Variants in TTC7B observed in about 807,000 individuals in gnomAD.
TTC7B encodes the protein tetratricopeptide repeat domain 7B.
Under a neutral mutation model 106.8 loss-of-function variants are expected in TTC7B, and 28 were observed. The ratio of observed to expected loss-of-function variants is 0.26; its 90% CI spans 0.19 to 0.36. The LOEUF is 0.36. Ranked by LOEUF, TTC7B falls within the 10% of genes least tolerant of loss-of-function variation. The probability of loss-of-function intolerance (pLI) is 1.00; values close to 1 mark genes in which losing one functional copy is unlikely to be tolerated. For missense variants in TTC7B, 862 were observed against 1,076.4 expected (o/e 0.80, Z 2.79); for synonymous variants, 405 against 430.6 (o/e 0.94, Z 0.74).
At position 90,634,035 on chromosome 14, in the gene TTC7B, C is replaced by T. The variant is rs149778141; in HGVS notation, c.1751+10013G>A. Among the ~76,000 whole-genome samples the T allele has an allele frequency of 7.9e-3, 1,202 of 152,014 alleles. 9 individuals are homozygous for T. The highest frequency in any genetic ancestry group is 0.027 in the African/African-American group (1,110 of 41,432). Reference sequence around the variant, plus strand: ...GGGATTACAGGCATGCACCAACATGCCTGGATAATTTTTGTATTTTTAGCA... The same window carrying T: ...GGGATTACAGGCATGCACCAACATGTCTGGATAATTTTTGTATTTTTAGCA... On this transcript the variant is annotated intron_variant, in intron 15 of 19. Transcript: ENST00000328459.
intron 3 of TTC7B, among the ~76,000 whole-genome samples, chr14:90,766,152 A>C: frequency 7.7e-6 from 1 of 129,482 alleles, no homozygotes; most frequent in Non-Finnish European, 1.6e-5. Context: ...TTTTTTTTTA[A>C]TAAACAAAAA....
chr14:90,744,964 T>C (rs1200036438), intron 3 of TTC7B, 42 bp from the exon 4 acceptor site: 2 of 1,603,436 alleles, frequency 1.2e-6, no homozygotes, highest in East Asian at 2.2e-5. Flanking sequence ...GAATTTTTTT[T>C]CATAAGGCTT....
chr14:90,801,828 A>AGG lies in TTC7B; in HGVS notation c.121+14346_121+14347insCC, dbSNP rs112475232. The stretch of plus-strand genomic sequence containing the variant: ...CCCAGCACTTTGGGAGGCCAAGGGG[A>AGG]AGGGGGTGGATCACCTGAGGTCAGG... On this transcript the variant is annotated intron_variant, in intron 1 of 19. Coordinates refer to ENST00000328459, the MANE Select transcript of TTC7B (RefSeq NM_001010854.2). 1.3e-3 allele frequency among the ~76,000 whole-genome samples: 195 copies of AGG among 152,018 alleles called. 1 individual carries two copies. The highest frequency in any genetic ancestry group is 4.4e-3 in the African/African-American group (181 of 41,478).
chr14:90,800,220 G>A (rs2030172176), intron 1 of TTC7B, among the ~76,000 whole-genome samples: 1 of 152,166 alleles, frequency 6.6e-6, no homozygotes, highest in Admixed American at 6.6e-5. Context: ...ATGGTTAGGA[G>A]GTAGTAGTAG....
intron 16 of TTC7B, 30 bp from the exon 17 acceptor site, chr14:90,610,869 C>G: frequency 6.5e-7 from 1 of 1,531,984 alleles, no homozygotes; most frequent in Non-Finnish European, 9.0e-7. Flanking sequence ...ATGTCAGTCA[C>G]CTGCAAGGTG....
At chr14:90,629,252 C>CT (rs869180642) in intron 15 of TTC7B, among the ~76,000 whole-genome samples, 15 of 124,616 alleles carry the variant, frequency 1.2e-4, no homozygotes, top group African/African-American at 3.0e-4. Context: ...CTTTTTTTTT[C>CT]TTTTTTTTTA....
chr14:90,761,630 G>A (rs1890505752), intron 3 of TTC7B, among the ~76,000 whole-genome samples: 1 of 152,258 alleles, frequency 6.6e-6, no homozygotes, highest in Admixed American at 6.5e-5. Context: ...GTCTCAGTGA[G>A]TTGGTTTTGT....
chr14:90,644,128 G>C lies in TTC7B; in HGVS notation c.1671C>G (p.Leu557=). 6.2e-7 allele frequency: 1 copy of C among 1,614,118 alleles called. No individual in the cohort carries two copies. The highest frequency in any genetic ancestry group is 8.5e-7 in the Non-Finnish European group (1 of 1,180,028). Residue 557 remains leucine (L), a synonymous_variant, in exon 15 of 20, where the codon CTC becomes CTG. Coordinates refer to ENST00000328459, the MANE Select transcript of TTC7B (RefSeq NM_001010854.2). ...DDANSLHLLA[L]LLSAQKHYHD... ...GGTAATGCTTCTGTGCTGACAGCAGGAGGGCAAGGAGGTGCAGGGAGTTGG... is the reference window on the plus strand; with the variant it reads ...GGTAATGCTTCTGTGCTGACAGCAGCAGGGCAAGGAGGTGCAGGGAGTTGG...
rs1161223082 is a variant in TTC7B, at chr14:90,771,892, T to C, written c.445+8846A>G. ...TAAAAATAAATATTAAGTATATACA[T>C]ATATATGTATATATTTCTTTATTTT... is the stretch of plus-strand genomic sequence containing the variant. On this transcript the variant is annotated intron_variant, in intron 3 of 19. Transcript: ENST00000328459. 3.4e-5 allele frequency among the ~76,000 whole-genome samples: 5 copies of C among 146,348 alleles called. No homozygotes were observed. In the East Asian group the frequency reaches 9.8e-4, roughly 29 times the overall value.
intron 9 of TTC7B, among the ~76,000 whole-genome samples, chr14:90,661,100 G>A (rs943987754): frequency 1.3e-5 from 2 of 152,254 alleles, no homozygotes; most frequent in Non-Finnish European, 2.9e-5. Context: ...CAGGAACACT[G>A]AGCAGAAAGA....
chr14:90,720,349 T>C (rs1355263027), intron 5 of TTC7B, among the ~76,000 whole-genome samples: 1 of 152,346 alleles, frequency 6.6e-6, no homozygotes, highest in East Asian at 1.9e-4. Context: ...GCTATAGTTA[T>C]ACATCCAAGA....
chr14:90,604,732 G>A (rs117110401), intron 17 of TTC7B, among the ~76,000 whole-genome samples: 9 of 152,212 alleles, frequency 5.9e-5, no homozygotes, highest in East Asian at 3.9e-4. Flanking sequence ...TGGGCTCCCC[G>A]GGTCAGATTC....
Position 90,536,381 on chromosome 14 carries a change from A to G in TTC7B, c.*4987T>C, listed in dbSNP as rs987986747. 5.9e-5 allele frequency: 9 copies of G among 152,330 alleles called. 1 individual carries two copies. The highest frequency in any genetic ancestry group is 2.2e-4 in the African/African-American group (9 of 41,294). The allele number at this position is 152,330 out of a possible 1,614,324, so 9.4% of individuals were successfully genotyped here. On this transcript the variant is annotated 3_prime_UTR_variant, in exon 20 of 20. Transcript: ENST00000328459. The stretch of plus-strand genomic sequence containing the variant: ...GCCCCGCATCCCTGACACCTCCCAC[A>G]CTCTCGCCTCATCTTGGGCTCTCGC...
chr14:90,779,760 C>A (rs1441663323), intron 3 of TTC7B, among the ~76,000 whole-genome samples: 2 of 152,172 alleles, frequency 1.3e-5, no homozygotes, highest in Non-Finnish European at 2.9e-5. Context: ...TGGAACGGTC[C>A]GATCATCTGT....
intron 10 of TTC7B, 74 bp downstream of exon 10, chr14:90,658,230 C>A (rs1211100855): frequency 1.6e-6 from 2 of 1,279,218 alleles, no homozygotes; most frequent in East Asian, 2.3e-5. Flanking sequence ...TCATTCCGTG[C>A]AATTCCATGA....
chr14:90,593,841 C>T, intron 17 of TTC7B: 1 of 431,646 alleles, frequency 2.3e-6, no homozygotes, highest in Non-Finnish European at 4.1e-6. Flanking sequence ...AAACAGAGCA[C>T]ATGCCCCCTC....
chr14:90,708,348 C>T (rs560475450), intron 5 of TTC7B, among the ~76,000 whole-genome samples: 3 of 152,202 alleles, frequency 2.0e-5, no homozygotes, highest in East Asian at 3.9e-4. Flanking sequence ...GAAGTCAACG[C>T]CTGGCTACAA....
intron 6 of TTC7B, 101 bp from the exon 7 acceptor site, chr14:90,689,813 C>A (rs1044723392): frequency 1.9e-5 from 25 of 1,322,330 alleles, no homozygotes; most frequent in Non-Finnish European, 2.6e-5. Flanking sequence ...TTGTGCTAAG[C>A]ACTACTGCAA....
At chr14:90,784,738 GTCTT>G in intron 2 of TTC7B, among the ~76,000 whole-genome samples, 1 of 152,254 alleles carries the variant, frequency 6.6e-6, no homozygotes, top group East Asian at 1.9e-4. Flanking sequence ...GCAGCAGGGA[GTCTT>G]TAAGTACCTG....
Sources: allele counts gnomAD v4.1 joint callset (sites outside exome capture counted in the v4.1 genomes callset), GRCh38; gene constraint gnomAD v4.1.1; transcripts MANE v1.5; gene names NCBI Gene and HGNC (gene_info 2026-07-23, HGNC 2026-07-21).